MAP3K7CL: variants seen among roughly 807,000 people sequenced by gnomAD.
MAP3K7CL encodes the protein MAP3K7 C-terminal-like protein.
In MAP3K7CL, 16 loss-of-function variants were observed where a neutral mutation model predicts 18.6. The ratio of observed to expected loss-of-function variants is 0.86; its 90% confidence interval spans 0.58 to 1.31. The LOEUF (loss-of-function observed/expected upper bound fraction) is 1.31. Among genes scored for constraint, MAP3K7CL ranks in the 50% most tolerant of loss-of-function variants. The pLI, the probability that MAP3K7CL is intolerant of heterozygous loss-of-function variation, is 0.00. For missense variants in MAP3K7CL, 163 were observed against 174.4 expected (o/e 0.93, Z 0.37); for synonymous variants, 65 against 66.8 (o/e 0.97, Z 0.13).
chr21:29,092,686 A>G lies in MAP3K7CL; in HGVS notation c.370+105A>G, dbSNP rs534651314. 32 of 1,340,222 alleles carry G rather than the reference A, an allele frequency of 2.4e-5. No individual in the cohort carries two copies. In the African/African-American group the frequency reaches 4.5e-4, roughly 19 times the overall value. 83.0% of individuals were successfully genotyped at this position (1,340,222 alleles called of 1,614,324 possible). A position where few individuals can be genotyped will look rare whatever the true frequency, so the allele number is the denominator to read the frequency against. ...TTGGGCAGCACCTCATTCTGCAGGG[A>G]TCTGGGTCAGAGCAGGACAATGGCT... is the stretch of plus-strand genomic sequence containing the variant. On this transcript the variant is annotated intron_variant, in intron 4 of 6. Coordinates refer to the MAP3K7CL transcript ENST00000286791.
rs2087949670 is a variant in MAP3K7CL, at chr21:29,175,644, T to A, written c.*752T>A. 1.3e-5 allele frequency: 2 copies of A among 152,302 alleles called. No individual in the cohort carries two copies. The highest frequency in any genetic ancestry group is 4.8e-5 in the African/African-American group (2 of 41,462). The allele number at this position is 152,302 out of a possible 1,614,324, so 9.4% of individuals were successfully genotyped here. A position where few individuals can be genotyped will look rare whatever the true frequency, so the allele number is the denominator to read the frequency against. On this transcript the variant is annotated 3_prime_UTR_variant, in exon 5 of 5. Coordinates refer to ENST00000399928, the MANE Select transcript of MAP3K7CL (RefSeq NM_001286620.2). Reference sequence around the variant, plus strand: ...GGGGAGGGGGGACATGGAAAAATATTGTTTGGACATTACTTGGGTGAGTGC... The same window carrying A: ...GGGGAGGGGGGACATGGAAAAATATAGTTTGGACATTACTTGGGTGAGTGC...
At chr21:29,083,953 T>C (rs1286490835), upstream of MAP3K7CL, among the ~76,000 whole-genome samples, 1 of 142,998 alleles carries the variant, frequency 7.0e-6, no homozygotes, top group Non-Finnish European at 1.5e-5. Context: ...TTTAATATTA[T>C]AATATATAAT....
intron 1 of MAP3K7CL, among the ~76,000 whole-genome samples, chr21:29,091,035 G>A (rs1174669541): frequency 6.6e-6 from 1 of 151,056 alleles, no homozygotes; most frequent in Non-Finnish European, 1.5e-5. Context: ...ACTTTTTTTG[G>A]TACCAAATCT....
chr21:29,115,413 A>G (rs537780261), intron 4 of MAP3K7CL, among the ~76,000 whole-genome samples: 1 of 152,200 alleles, frequency 6.6e-6, no homozygotes, highest in South Asian at 2.1e-4. Flanking sequence ...TGAAATCAAC[A>G]TTCTTTTTAG....
In MAP3K7CL at chr21:29,159,965, G is replaced by T. The variant is rs1178110615; in HGVS notation, c.157G>T (p.Glu53Ter). The T allele has an allele frequency of 6.2e-7, 1 of 1,613,876 alleles. No individual in the cohort carries two copies. The highest frequency in any genetic ancestry group is 1.7e-5 in the Admixed American group (1 of 59,984). The change falls in exon 4 of 5, where the codon GAG becomes TAG. Residue 53 changes from glutamate to a stop codon, truncating the protein, a stop_gained. Coordinates refer to ENST00000399928, the MANE Select transcript of MAP3K7CL (RefSeq NM_001286620.2). LOFTEE classifies it high-confidence loss of function. ...GCCCCTGCCGCCTTGTCATGACTCCGAGGAATCCATGGAGGTGTTCAAACA... is the reference window on the plus strand; with the variant it reads ...GCCCCTGCCGCCTTGTCATGACTCCTAGGAATCCATGGAGGTGTTCAAACA... ...LQPLPPCHDS[E>*]ESMEVFKQHC...
At chr21:29,118,271 G>C (rs1023106417) in intron 4 of MAP3K7CL, among the ~76,000 whole-genome samples, 2 of 145,332 alleles carry the variant, frequency 1.4e-5, no homozygotes, top group African/African-American at 5.2e-5. Context: ...TTTCAGTAGA[G>C]ACAGCGTTTC....
At chr21:29,116,312 C>T (rs1338348763) in intron 4 of MAP3K7CL, among the ~76,000 whole-genome samples, 2 of 152,152 alleles carry the variant, frequency 1.3e-5, no homozygotes, top group African/African-American at 2.4e-5. Context: ...GGTAGCAACA[C>T]GTGAAGAAAA....
intron 3 of MAP3K7CL, among the ~76,000 whole-genome samples, chr21:29,154,418 C>G (rs911308477): frequency 1.1e-4 from 16 of 149,502 alleles, no homozygotes; most frequent in African/African-American, 3.7e-4. Flanking sequence ...CCAAATTGAG[C>G]AATAGCTTCA....
intron 4 of MAP3K7CL, 35 bp from the exon 5 acceptor site, chr21:29,174,677 T>C: frequency 6.2e-7 from 1 of 1,609,102 alleles, no homozygotes; most frequent in Non-Finnish European, 8.5e-7. Context: ...CATTGAATTC[T>C]GTGCTTCTTC....
intron 3 of MAP3K7CL, among the ~76,000 whole-genome samples, chr21:29,155,571 A>C (rs1369052874): frequency 6.6e-6 from 1 of 152,162 alleles, no homozygotes; most frequent in Non-Finnish European, 1.5e-5. Context: ...ACAGCACCAT[A>C]GCACCGTGTG....
intron 3 of MAP3K7CL, among the ~76,000 whole-genome samples, chr21:29,157,968 G>C (rs2087448238): frequency 6.6e-6 from 1 of 152,142 alleles, no homozygotes; most frequent in South Asian, 2.1e-4. Context: ...CTGCCACATA[G>C]TTAACTGTGC....
chr21:29,139,827 G>T (rs193286557), intron 2 of MAP3K7CL, among the ~76,000 whole-genome samples: 1 of 148,890 alleles, frequency 6.7e-6, no homozygotes, highest in African/African-American at 2.5e-5. Context: ...TCAGGTGACC[G>T]CCCGCCTTGG....
intron 2 of MAP3K7CL, among the ~76,000 whole-genome samples, chr21:29,142,213 C>T (rs555912462): frequency 2.0e-5 from 3 of 152,072 alleles, no homozygotes; most frequent in South Asian, 2.1e-4. Flanking sequence ...GTCAGGTGTG[C>T]GCCACCATGC....
chr21:29,114,359 A>C (rs1009668139), intron 4 of MAP3K7CL, among the ~76,000 whole-genome samples: 1 of 150,234 alleles, frequency 6.7e-6, no homozygotes, highest in African/African-American at 2.5e-5. Context: ...GTGTGCCACC[A>C]TGCCAGGCCT....
At chr21:29,171,998 G>A (rs963219026) in intron 4 of MAP3K7CL, among the ~76,000 whole-genome samples, 1 of 124,842 alleles carries the variant, frequency 8.0e-6, no homozygotes, top group Non-Finnish European at 2.0e-5. Context: ...GTATGTATAC[G>A]TATGCATATA....
intron 4 of MAP3K7CL, among the ~76,000 whole-genome samples, chr21:29,117,241 A>G (rs1302894249): frequency 6.6e-6 from 1 of 152,140 alleles, no homozygotes; most frequent in African/African-American, 2.4e-5. Flanking sequence ...GTCATTTTCT[A>G]TTTGTGGACT....
chr21:29,173,659 C>A (rs1174298075), intron 4 of MAP3K7CL, among the ~76,000 whole-genome samples: 3 of 151,942 alleles, frequency 2.0e-5, no homozygotes, highest in Non-Finnish European at 4.4e-5. Flanking sequence ...TTTGGGTTAT[C>A]ATGTTTATTA....
rs2087945662 is a variant in MAP3K7CL at position 29,175,483 on chromosome 21, C to G, written c.*591C>G. 1 of 152,170 alleles carries G rather than the reference C, an allele frequency of 6.6e-6. No homozygotes were observed. Among genetic ancestry groups the G allele is most frequent in the African/African-American group, 2.4e-5 (1 of 41,448 alleles). The allele number at this position is 152,170 out of a possible 1,614,324, so 9.4% of individuals were successfully genotyped here. On this transcript the variant is annotated 3_prime_UTR_variant, in exon 5 of 5. Coordinates refer to ENST00000399928, the MANE Select transcript of MAP3K7CL (RefSeq NM_001286620.2). ...AAAAGCTTCTTCATGAAATTATTAG[C>G]AGAAACCATGTTTGTAACCAAAGCA...
At chr21:29,106,008 A>G (rs184365942) in intron 4 of MAP3K7CL, among the ~76,000 whole-genome samples, 5 of 152,258 alleles carry the variant, frequency 3.3e-5, no homozygotes, top group South Asian at 2.1e-4. Context: ...TTGAGACCCC[A>G]TGAACCTCCC....
Sources: allele counts gnomAD v4.1 joint callset (sites outside exome capture counted in the v4.1 genomes callset), GRCh38; gene constraint gnomAD v4.1.1; transcripts MANE v1.5; gene names NCBI Gene and HGNC (gene_info 2026-07-23, HGNC 2026-07-21).